The following RASGRF2 variants were observed in gnomAD, a reference collection of about 807,000 sequenced individuals.
RASGRF2 encodes ras-specific guanine nucleotide-releasing factor 2.
RASGRF2 carries 76 observed loss-of-function variants against 151.0 expected under a neutral mutation model. That is an observed-to-expected ratio of 0.50 (90% CI 0.42 to 0.61). RASGRF2 has a LOEUF of 0.61. RASGRF2 is among the 20% of genes least tolerant of loss of function. The pLI, the probability that RASGRF2 is intolerant of heterozygous loss-of-function variation, is 0.00. For missense variants in RASGRF2, 1,148 were observed against 1,564.6 expected, an observed-to-expected ratio of 0.73 and a Z score of 4.49; for synonymous variants, 504 against 566.5, an observed-to-expected ratio of 0.89 and a Z score of 1.57.
At chr5:80,974,575 T>A (rs1267839863) in intron 1 of RASGRF2, among the ~76,000 whole-genome samples, 3 of 152,238 alleles carry the variant, frequency 2.0e-5, no homozygotes, top group Non-Finnish European at 2.9e-5. Context: ...TAGCTACTTT[T>A]TTAATAATGT....
chr5:80,968,064 A>G (rs1342877293), intron 1 of RASGRF2, among the ~76,000 whole-genome samples: 1 of 152,222 alleles, frequency 6.6e-6, no homozygotes, highest in African/African-American at 2.4e-5. Flanking sequence ...TCCGGATAGT[A>G]CCTGCTCCAT....
intron 18 of RASGRF2, among the ~76,000 whole-genome samples, chr5:81,194,349 T>C (rs909744854): frequency 6.6e-6 from 1 of 151,564 alleles, no homozygotes; most frequent in African/African-American, 2.4e-5. Context: ...AGAGTGAGAC[T>C]CTGTCTCAAA....
At chr5:81,006,608 T>C (rs1034103988) in intron 1 of RASGRF2, among the ~76,000 whole-genome samples, 20 of 152,100 alleles carry the variant, frequency 1.3e-4, no homozygotes, top group African/African-American at 4.8e-4. Flanking sequence ...CTTATTCCCT[T>C]TGCTGGGGTT....
chr5:81,123,086 G>A (rs973664250), intron 15 of RASGRF2, among the ~76,000 whole-genome samples: 9 of 152,154 alleles, frequency 5.9e-5, no homozygotes, highest in African/African-American at 2.2e-4. Flanking sequence ...CAAGTGGGAA[G>A]CCAAAATAAT....
intron 15 of RASGRF2, among the ~76,000 whole-genome samples, chr5:81,120,333 T>C (rs1753271567): frequency 6.6e-6 from 1 of 152,100 alleles, no homozygotes. Flanking sequence ...TGCCAGCACT[T>C]TGGGAGGCCG....
intron 15 of RASGRF2, among the ~76,000 whole-genome samples, chr5:81,115,340 T>C (rs560553912): frequency 1.3e-5 from 2 of 152,312 alleles, no homozygotes; most frequent in South Asian, 4.1e-4. Context: ...AATTAAAAAG[T>C]CATTAGAACA....
At chr5:81,216,935 G>A (rs1023628923) in intron 24 of RASGRF2, 1 of 454,848 alleles carries the variant, frequency 2.2e-6, no homozygotes. Context: ...CCAGTGCAAA[G>A]CTCTAACTGC....
At chr5:81,108,874 G>A in intron 12 of RASGRF2, 122 bp from the exon 13 acceptor site, 1 of 1,180,012 alleles carries the variant, frequency 8.5e-7, no homozygotes, top group Non-Finnish European at 1.1e-6. Context: ...GTGTGTGTGT[G>A]TGTGTGTAAG....
At chr5:81,013,441 T>C (rs1475969560) in intron 1 of RASGRF2, among the ~76,000 whole-genome samples, 1 of 152,172 alleles carries the variant, frequency 6.6e-6, no homozygotes, top group Non-Finnish European at 1.5e-5. Context: ...TCTGCTTGAC[T>C]TGTGGCTGTG....
chr5:81,198,120 T>A (rs918908061), intron 18 of RASGRF2, among the ~76,000 whole-genome samples: 33 of 146,764 alleles, frequency 2.2e-4, no homozygotes, highest in African/African-American at 7.6e-4. Flanking sequence ...AAAAACCTGT[T>A]ATTTTTTTTT....
chr5:81,196,690 CTAA>C (rs529309089), intron 18 of RASGRF2, among the ~76,000 whole-genome samples: 126 of 147,450 alleles, frequency 8.5e-4, no homozygotes, highest in African/African-American at 2.9e-3. Flanking sequence ...GATCAAACCA[CTAA>C]TTGACCCTCA....
At chr5:81,187,889 C>T (rs1282004339) in intron 18 of RASGRF2, among the ~76,000 whole-genome samples, 3 of 152,214 alleles carry the variant, frequency 2.0e-5, no homozygotes, top group East Asian at 3.8e-4. Flanking sequence ...TAGTGAAACA[C>T]AAAATTCAGT....
In RASGRF2 at chr5:80,996,371, A is replaced by C. The variant is rs1397682257; in HGVS notation, c.288+35345A>C. On this transcript the variant is annotated intron_variant, in intron 1 of 26. Transcript: ENST00000265080. ...TCACTTTTGTTTCCGTTCTGTATAC[A>C]TATTACAAAATAGCTCAAATAGACC... Among the ~76,000 whole-genome samples the C allele has an allele frequency of 2.0e-5, 3 of 152,098 alleles. No individual in the cohort carries two copies. In the East Asian group the frequency reaches 5.8e-4, roughly 29 times the overall value.
intron 2 of RASGRF2, among the ~76,000 whole-genome samples, chr5:81,061,308 A>C (rs1302110657): frequency 1.3e-5 from 2 of 152,232 alleles, no homozygotes; most frequent in East Asian, 3.9e-4. Flanking sequence ...TGATATTATT[A>C]GAAGTGAAAT....
chr5:81,010,500 A>G (rs759747113), intron 1 of RASGRF2, among the ~76,000 whole-genome samples: 1 of 152,226 alleles, frequency 6.6e-6, no homozygotes, highest in African/African-American at 2.4e-5. Flanking sequence ...GGAGAGTTCG[A>G]GAGAAGTTTT....
At chr5:81,201,594 G>A in intron 19 of RASGRF2, 152 bp downstream of exon 19, 4 of 855,934 alleles carry the variant, frequency 4.7e-6, no homozygotes, top group Non-Finnish European at 6.9e-6. Context: ...CTTTCCTGGG[G>A]GCAATTTGGG....
chr5:80,994,549 AT>A (rs1748771589), intron 1 of RASGRF2, among the ~76,000 whole-genome samples: 1 of 152,054 alleles, frequency 6.6e-6, no homozygotes, highest in African/African-American at 2.4e-5. Context: ...CCTTCATAAA[AT>A]TTCATTTGCT....
intron 18 of RASGRF2, among the ~76,000 whole-genome samples, chr5:81,194,331 T>C (rs985218926): frequency 6.6e-6 from 1 of 152,044 alleles, no homozygotes; most frequent in Non-Finnish European, 1.5e-5. Flanking sequence ...CACTCCAGCC[T>C]GGGTGACAGA....
intron 1 of RASGRF2, among the ~76,000 whole-genome samples, chr5:81,014,784 T>A (rs1749576429): frequency 6.6e-6 from 1 of 152,186 alleles, no homozygotes. Flanking sequence ...TATTCCACAG[T>A]TTATTTAACT....
Sources: gnomAD v4.1 joint callset for allele counts (sites outside exome capture counted in the v4.1 genomes callset) on GRCh38, gnomAD v4.1.1 for gene constraint, MANE v1.5 for transcripts, NCBI Gene and HGNC (gene_info 2026-07-23, HGNC 2026-07-21) for gene names.